Variants in SYMPK observed in about 807,000 individuals in gnomAD.
SYMPK encodes symplekin.
Under a neutral mutation model 136.4 loss-of-function variants are expected in SYMPK, and 49 were observed. That is an observed-to-expected ratio of 0.36 (90% CI 0.29 to 0.46). SYMPK has a LOEUF of 0.46. SYMPK is among the 20% of genes least tolerant of loss of function. SYMPK has a pLI of 1.00. For missense variants in SYMPK, 1,365 were observed against 1,690.0 expected, an observed-to-expected ratio of 0.81 and a Z score of 3.37; for synonymous variants, 766 against 713.0, an observed-to-expected ratio of 1.07 and a Z score of -1.19.
rs191829071 is a variant in SYMPK, at chr19:45,828,868, C to T, written c.1985+102G>A. The T allele has an allele frequency of 4.3e-4, 493 of 1,157,046 alleles. No homozygotes were observed. The highest frequency in any genetic ancestry group is 5.9e-4 in the Non-Finnish European group (465 of 790,078). 71.7% of individuals were successfully genotyped at this position (1,157,046 alleles called of 1,614,324 possible). A position where few individuals can be genotyped will look rare whatever the true frequency, so the allele number is the denominator to read the frequency against. ...GGGATGGGTGCGAGGAGGACTGACT[C>T]GGGGGGTGACGAAGAGGGAGGTGGT... On this transcript the variant is annotated intron_variant, in intron 14 of 26. Transcript: ENST00000245934.
intron 11 of SYMPK, among the ~76,000 whole-genome samples, chr19:45,832,808 G>A (rs567471270): frequency 4.1e-5 from 6 of 146,120 alleles, no homozygotes; most frequent in Non-Finnish European, 8.9e-5. Flanking sequence ...TCAGGAGTTC[G>A]AGACCAGCCT....
intron 16 of SYMPK, 83 bp from the exon 17 acceptor site, chr19:45,826,456 C>T (rs890850595): frequency 1.1e-5 from 16 of 1,478,078 alleles, no homozygotes; most frequent in Admixed American, 5.2e-5. Context: ...GCAACACTCA[C>T]GTGAAAACAA....
rs1310498988 is a variant in SYMPK at position 45,854,204 on chromosome 19, T to C, written c.142A>G (p.Asn48Asp). Reference sequence around the variant, plus strand: ...TTGAGCACTGTGATCTTTGAGTCATTGGTGATCAGCGCCGCCTGGTTCAGA... The same window carrying C: ...TTGAGCACTGTGATCTTTGAGTCATCGGTGATCAGCGCCGCCTGGTTCAGA... ...DLLNQAALIT[N>D]DSKITVLKQV... The change falls in exon 3 of 27, where the codon AAT (asparagine) becomes GAT (aspartate). Residue 48 changes from asparagine to aspartate, a missense_variant. By Grantham distance (23) the Asn-to-Asp change is conservative. Transcript: ENST00000245934. The C allele has an allele frequency of 6.2e-7, 1 of 1,613,914 alleles. No individual in the cohort carries two copies. Among genetic ancestry groups the C allele is most frequent in the East Asian group, 2.2e-5 (1 of 44,872 alleles).
At chr19:45,834,311 T>C (rs1702565332) in intron 11 of SYMPK, among the ~76,000 whole-genome samples, 3 of 151,386 alleles carry the variant, frequency 2.0e-5, no homozygotes, top group Admixed American at 1.3e-4. Flanking sequence ...AAACAAAAGC[T>C]AGCCAGGCGT....
chr19:45,827,776 A>T, intron 15 of SYMPK, 61 bp downstream of exon 15: 2 of 1,559,574 alleles, frequency 1.3e-6, no homozygotes, highest in Non-Finnish European at 8.8e-7. Flanking sequence ...TGCCCTTCAG[A>T]CCCCTCAGGG....
At chr19:45,838,297 G>T (rs769784570) in intron 10 of SYMPK, among the ~76,000 whole-genome samples, 164 bp downstream of exon 10, 1 of 151,850 alleles carries the variant, frequency 6.6e-6, no homozygotes, top group Non-Finnish European at 1.5e-5. Flanking sequence ...CCAGCACCAC[G>T]CTTCCTATAC....
chr19:45,831,685 C>T (rs1239834480), intron 11 of SYMPK, 97 bp from the exon 12 acceptor site: 11 of 1,007,988 alleles, frequency 1.1e-5, no homozygotes, highest in Non-Finnish European at 1.5e-5. Context: ...GAGCCCTGTA[C>T]ACACAAAACC....
chr19:45,825,349 G>C lies in SYMPK; in HGVS notation c.2330-18C>G. 2.5e-6 allele frequency: 4 copies of C among 1,611,032 alleles called. No individual in the cohort carries two copies. Among genetic ancestry groups the C allele is most frequent in the Non-Finnish European group, 3.4e-6 (4 of 1,178,418 alleles). ...TGCCACCTCTGACAGGGCAGGAGCG[G>C]GCATCAGATTGGCCCACACTCTTCT... On this transcript the variant is annotated intron_variant, in intron 17 of 26. Transcript: ENST00000245934.
At position 45,821,116 on chromosome 19, in the gene SYMPK, C is replaced by A. The variant is rs1432243261; in HGVS notation, c.2893+268G>T. On this transcript the variant is annotated intron_variant, in intron 22 of 26. Coordinates refer to ENST00000245934, the MANE Select transcript of SYMPK (RefSeq NM_004819.3). The surrounding 1 kb of genome is among the most constrained non-coding windows in gnomAD (Gnocchi z 4.4). ...CCAACTGCTTTAGGCCCACTCTGTG[C>A]CAGGGCACAGCAGGTACATCAGAGG... 2 of 680,670 alleles carry A rather than the reference C, an allele frequency of 2.9e-6. No homozygotes were observed. Among genetic ancestry groups the A allele is most frequent in the Non-Finnish European group, 5.3e-6 (2 of 375,152 alleles). The allele number at this position is 680,670 out of a possible 1,614,324, so 42.2% of individuals were successfully genotyped here. A position where few individuals can be genotyped will look rare whatever the true frequency, so the allele number is the denominator to read the frequency against.
At chr19:45,818,291 C>T (rs1350380983) in intron 22 of SYMPK, 145 bp from the exon 23 acceptor site, 4 of 801,698 alleles carry the variant, frequency 5.0e-6, no homozygotes, top group Non-Finnish European at 7.5e-6. Flanking sequence ...GAGGAGACTC[C>T]CCCGACCCAG....
chr19:45,854,534 A>C (rs776446522), intron 1 of SYMPK, 27 bp from the exon 2 acceptor site: 1 of 1,593,026 alleles, frequency 6.3e-7, no homozygotes, highest in Non-Finnish European at 8.6e-7. Flanking sequence ...AAGAGGATGG[A>C]TCAAGCTCAG....
intron 3 of SYMPK, among the ~76,000 whole-genome samples, chr19:45,852,777 T>C (rs1971727801): frequency 6.6e-6 from 1 of 152,064 alleles, no homozygotes; most frequent in East Asian, 1.9e-4. Flanking sequence ...GTTAGGAGGC[T>C]ACAATGAGAT....
In SYMPK at chr19:45,823,892, G is replaced by A. The variant is rs372478787; in HGVS notation, c.2491-17C>T. 2 of 1,608,444 alleles carry A rather than the reference G, an allele frequency of 1.2e-6. No individual in the cohort carries two copies. The highest frequency in any genetic ancestry group is 1.7e-6 in the Non-Finnish European group (2 of 1,175,700). On this transcript the variant is annotated splice_polypyrimidine_tract_variant and intron_variant, in intron 18 of 26. Transcript: ENST00000245934. ...TCCTCGGATCTAGAGGCAGAGACAGGGATGACCAGACCCAGGGTGAGAGCT... is the reference window on the plus strand; with the variant it reads ...TCCTCGGATCTAGAGGCAGAGACAGAGATGACCAGACCCAGGGTGAGAGCT...
At chr19:45,820,455 A>C (rs1412561885) in intron 22 of SYMPK, 2 of 152,264 alleles carry the variant, frequency 1.3e-5, no homozygotes, top group Non-Finnish European at 2.9e-5. Context: ...GTTAGGAAGT[A>C]AGTCACTGAA....
intron 3 of SYMPK, among the ~76,000 whole-genome samples, chr19:45,853,827 C>T (rs1266176560): frequency 2.0e-5 from 3 of 152,148 alleles, no homozygotes; most frequent in Admixed American, 6.5e-5. Flanking sequence ...GAATGTCTGC[C>T]CCACTGGACT....
rs1971164675 is a variant in SYMPK at position 45,831,239 on chromosome 19, C to T, written c.1598+145G>A. 2.8e-5 allele frequency: 14 copies of T among 508,302 alleles called. No homozygotes were observed. In the East Asian group the frequency reaches 4.4e-4, roughly 16 times the overall value. 31.5% of individuals were successfully genotyped at this position (508,302 alleles called of 1,614,324 possible). On this transcript the variant is annotated intron_variant, in intron 12 of 26. Coordinates refer to ENST00000245934, the MANE Select transcript of SYMPK (RefSeq NM_004819.3). The stretch of plus-strand genomic sequence containing the variant: ...GTGGTTATGGCACTGACTCGGGAGT[C>T]AGAGAGAACCTATTCCAGACTTCCT...
chr19:45,826,611 T>C (rs1971049172), intron 16 of SYMPK, among the ~76,000 whole-genome samples: 1 of 152,166 alleles, frequency 6.6e-6, no homozygotes. Context: ...TCACTGCTTC[T>C]TGCCTTGCTC....
chr19:45,844,335 T>C, intron 7 of SYMPK, 135 bp from the exon 8 acceptor site: 1 of 651,772 alleles, frequency 1.5e-6, no homozygotes, highest in South Asian at 2.7e-5. Context: ...ACAGAAAATG[T>C]GGTGGTTGAT....
rs1970897757 is a variant in SYMPK, at chr19:45,821,576, A to G, written c.2792-91T>C. Reference sequence around the variant, plus strand: ...AGTTCCCCAGATCGGGGGAGCTGCGAGCAAAGATGAGGTGCCCTCTGCTTT... The same window carrying G: ...AGTTCCCCAGATCGGGGGAGCTGCGGGCAAAGATGAGGTGCCCTCTGCTTT... On this transcript the variant is annotated intron_variant, in intron 21 of 26. Coordinates refer to ENST00000245934, the MANE Select transcript of SYMPK (RefSeq NM_004819.3). The surrounding 1 kb of genome is among the most constrained non-coding windows in gnomAD (Gnocchi z 4.4). 1.2e-6 allele frequency: 1 copy of G among 815,376 alleles called. No homozygotes were observed. The highest frequency in any genetic ancestry group is 2.0e-6 in the Non-Finnish European group (1 of 497,026). The allele number at this position is 815,376 out of a possible 1,614,324, so 50.5% of individuals were successfully genotyped here.
Sources: allele counts gnomAD v4.1 joint callset (sites outside exome capture counted in the v4.1 genomes callset), GRCh38; gene constraint gnomAD v4.1.1; non-coding constraint Gnocchi (gnomAD v3.1); transcripts MANE v1.5; gene names NCBI Gene and HGNC (gene_info 2026-07-23, HGNC 2026-07-21).